The following MED27 variants were observed in gnomAD, a reference collection of about 807,000 sequenced individuals.
MED27 encodes mediator complex subunit 27, also known as mediator of RNA polymerase II transcription subunit 27.
Under a neutral mutation model 38.2 loss-of-function variants are expected in MED27, and 30 were observed. The ratio of observed to expected loss-of-function variants is 0.79; its 90% CI spans 0.59 to 1.07. MED27 has a LOEUF of 1.07. MED27 is among the 50% of genes least tolerant of loss of function. The pLI, the probability that MED27 is intolerant of heterozygous loss-of-function variation, is 0.00. For synonymous variants in MED27, 122 were observed against 153.5 expected (o/e 0.79, Z 1.52); for missense variants, 289 against 397.5 (o/e 0.73, Z 2.32).
At position 131,872,758 on chromosome 9, in the gene MED27, C is replaced by A. The variant is rs1450401354; in HGVS notation, c.724-9618G>T. 6.6e-6 allele frequency among the ~76,000 whole-genome samples: 1 copy of A among 152,210 alleles called. No individual in the cohort carries two copies. The highest frequency in any genetic ancestry group is 6.5e-5 in the Admixed American group (1 of 15,282). Reference sequence around the variant, plus strand: ...AGCTGTCCTAGTTATCTCCTGGCAGCATGTGCACACTGTGCCCTGAAGTTC... The same window carrying A: ...AGCTGTCCTAGTTATCTCCTGGCAGAATGTGCACACTGTGCCCTGAAGTTC... On this transcript the variant is annotated intron_variant, in intron 6 of 7. Transcript: ENST00000292035. The surrounding 1 kb of genome is among the most constrained non-coding windows in gnomAD (Gnocchi z 5.6).
intron 3 of MED27, among the ~76,000 whole-genome samples, chr9:131,979,163 C>A (rs1230772952): frequency 1.3e-5 from 2 of 152,116 alleles, no homozygotes; most frequent in African/African-American, 4.8e-5. Flanking sequence ...ATGCCTTGGG[C>A]CTTGGGAGCT....
At chr9:131,878,274 AAAATAAAT>A (rs139530478) in intron 6 of MED27, among the ~76,000 whole-genome samples, 2,358 of 147,910 alleles carry the variant, frequency 0.016, 69 homozygotes, top group East Asian at 0.13. Flanking sequence ...CTCCATTACA[AAAATAAAT>A]AAATAAATAA....
chr9:132,056,753 C>A (rs900202631), intron 2 of MED27, among the ~76,000 whole-genome samples: 1 of 152,196 alleles, frequency 6.6e-6, no homozygotes, highest in South Asian at 2.1e-4. Flanking sequence ...AGGTCTAGTT[C>A]AGCATAACAC....
At chr9:132,073,377 T>C in intron 2 of MED27, 1 of 1,031,040 alleles carries the variant, frequency 9.7e-7, no homozygotes, top group South Asian at 4.6e-5. Context: ...TATTCTTTCA[T>C]TCTCTCAGTG....
intron 6 of MED27, among the ~76,000 whole-genome samples, chr9:131,865,383 C>G (rs1015353704): frequency 1.3e-5 from 2 of 152,140 alleles, no homozygotes; most frequent in Non-Finnish European, 2.9e-5. Context: ...GCAAACTGGG[C>G]TCGAACGGTC....
At chr9:131,962,851 TCTTTC>T (rs1309435601) in intron 3 of MED27, among the ~76,000 whole-genome samples, 1 of 152,246 alleles carries the variant, frequency 6.6e-6, no homozygotes, top group Non-Finnish European at 1.5e-5. Flanking sequence ...TTCTTGGCAT[TCTTTC>T]CTTTAGTGAA....
rs1392797849 is a variant in MED27, at chr9:131,952,080, C to T, written c.480-12606G>A. On this transcript the variant is annotated intron_variant, in intron 3 of 7. Transcript: ENST00000292035. Reference sequence around the variant, plus strand: ...GGAGAGCTTTCGTTTGTCCCTCTGCCATCCCGCACTGTGCCCCAGGAGGCT... The same window carrying T: ...GGAGAGCTTTCGTTTGTCCCTCTGCTATCCCGCACTGTGCCCCAGGAGGCT... Among the ~76,000 whole-genome samples the T allele has an allele frequency of 2.6e-5, 4 of 152,218 alleles. No homozygotes were observed. The East Asian group carries it at 7.7e-4, about 29-fold the overall frequency.
intron 1 of MED27, among the ~76,000 whole-genome samples, 164 bp downstream of exon 1, chr9:132,079,478 T>TA (rs887358710): frequency 6.6e-6 from 1 of 151,998 alleles, no homozygotes; most frequent in Non-Finnish European, 1.5e-5. Context: ...GGGATGGTGT[T>TA]AAGATGTCCC....
At chr9:132,024,104 C>A (rs1832769814) in intron 2 of MED27, among the ~76,000 whole-genome samples, 1 of 152,034 alleles carries the variant, frequency 6.6e-6, no homozygotes. Flanking sequence ...GTGAGATGGC[C>A]CTGAGTTCAA....
chr9:131,890,623 T>G (rs1034620726), intron 5 of MED27, among the ~76,000 whole-genome samples: 8 of 152,222 alleles, frequency 5.3e-5, no homozygotes, highest in African/African-American at 1.9e-4. Flanking sequence ...GGCTTTTTCA[T>G]CATCTCCTCC....
intron 3 of MED27, among the ~76,000 whole-genome samples, chr9:131,943,157 C>G (rs1406080958): frequency 6.6e-6 from 1 of 152,146 alleles, no homozygotes; most frequent in African/African-American, 2.4e-5. Context: ...CTACAGGTGA[C>G]ATTATGTATT....
chr9:131,998,989 G>T (rs1210335259), intron 3 of MED27, among the ~76,000 whole-genome samples: 1 of 152,134 alleles, frequency 6.6e-6, no homozygotes, highest in African/African-American at 2.4e-5. Context: ...CTGTGCCTGG[G>T]ATTCATGCTA....
At chr9:131,962,291 C>T (rs1318116491) in intron 3 of MED27, among the ~76,000 whole-genome samples, 1 of 152,208 alleles carries the variant, frequency 6.6e-6, no homozygotes, top group Non-Finnish European at 1.5e-5. Context: ...GGCTGGACTG[C>T]AGAGGCACAA....
intron 2 of MED27, among the ~76,000 whole-genome samples, chr9:132,058,637 A>G (rs1833632989): frequency 6.6e-6 from 1 of 152,164 alleles, no homozygotes; most frequent in Admixed American, 6.5e-5. Context: ...TCTTTTCTTT[A>G]TAAATTACCT....
chr9:132,029,451 T>C (rs1832902083), intron 2 of MED27, among the ~76,000 whole-genome samples: 1 of 152,142 alleles, frequency 6.6e-6, no homozygotes, highest in Admixed American at 6.5e-5. Context: ...ATCAAAGAAA[T>C]GTTAAAGAGG....
intron 1 of MED27, among the ~76,000 whole-genome samples, chr9:132,079,432 G>A (rs1173802372): frequency 6.6e-6 from 1 of 152,304 alleles, no homozygotes; most frequent in East Asian, 1.9e-4. Context: ...AAGACAAACA[G>A]GACCAGGAGG....
In MED27 at chr9:132,053,262, A is replaced by T. The variant is rs547651326; in HGVS notation, c.348+24180T>A. On this transcript the variant is annotated intron_variant, in intron 2 of 7. Transcript: ENST00000292035. ...AGCGAGACTCCCGTCTCAAAAAAAA[A>T]AAAAAAAGAAAAAGAAAGGGCTGCT... 4.3e-4 allele frequency among the ~76,000 whole-genome samples: 66 copies of T among 151,812 alleles called. 1 individual carries two copies. The highest frequency in any genetic ancestry group is 1.0e-3 in the Admixed American group (16 of 15,262).
chr9:131,898,632 T>C (rs1003197288), intron 4 of MED27, among the ~76,000 whole-genome samples: 2 of 151,800 alleles, frequency 1.3e-5, no homozygotes, highest in African/African-American at 4.8e-5. Flanking sequence ...CTGTCTCCCA[T>C]GTTGGAGTGC....
chr9:131,935,820 C>G (rs1444752125), intron 4 of MED27, among the ~76,000 whole-genome samples: 2 of 151,964 alleles, frequency 1.3e-5, no homozygotes, highest in Non-Finnish European at 2.9e-5. Context: ...TACATATATT[C>G]TTTAGTATAT....
Sources: allele counts gnomAD v4.1 joint callset (sites outside exome capture counted in the v4.1 genomes callset), GRCh38; gene constraint gnomAD v4.1.1; non-coding constraint Gnocchi (gnomAD v3.1); transcripts MANE v1.5; gene names NCBI Gene and HGNC (gene_info 2026-07-23, HGNC 2026-07-21).